Variants in DPF3 observed in about 807,000 individuals in gnomAD.
DPF3 encodes the protein double PHD fingers 3.
Under a neutral mutation model 56.8 loss-of-function variants are expected in DPF3, and 18 were observed. The observed-to-expected ratio is 0.32, with a 90% CI of 0.22 to 0.47. The LOEUF is 0.47. Ranked by LOEUF, DPF3 falls within the 20% of genes least tolerant of loss-of-function variation. The pLI, the probability that DPF3 is intolerant of heterozygous loss-of-function variation, is 1.00. For synonymous variants in DPF3, 188 were observed against 180.2 expected, an observed-to-expected ratio of 1.04 and a Z score of -0.35; for missense variants, 403 against 488.8, an observed-to-expected ratio of 0.82 and a Z score of 1.65.
chr14:72,894,026 C>T, intron 1 of DPF3, 31 bp downstream of exon 1: 2 of 1,606,328 alleles, frequency 1.2e-6, no homozygotes, highest in African/African-American at 1.3e-5. Context: ...TGAAACCACG[C>T]GGAATATGTA....
At chr14:72,742,964 T>C (rs956200262) in intron 3 of DPF3, among the ~76,000 whole-genome samples, 4 of 152,148 alleles carry the variant, frequency 2.6e-5, no homozygotes, top group Non-Finnish European at 5.9e-5. Flanking sequence ...ACGACTTGCT[T>C]GTTGGCCAGC....
chr14:72,723,611 G>C (rs374717111), intron 5 of DPF3, 22 bp downstream of exon 5: 4 of 1,545,906 alleles, frequency 2.6e-6, no homozygotes, highest in Middle Eastern at 1.7e-4. Context: ...CTCTTTCCTC[G>C]CTCATGTCAT....
chr14:72,808,046 C>A (rs1365912470), intron 1 of DPF3, among the ~76,000 whole-genome samples: 1 of 151,986 alleles, frequency 6.6e-6, no homozygotes, highest in African/African-American at 2.4e-5. Context: ...CCCAGCCTGA[C>A]CTGATGGATG....
At chr14:72,647,831 T>C (rs911989927) in intron 8 of DPF3, among the ~76,000 whole-genome samples, 8 of 152,190 alleles carry the variant, frequency 5.3e-5, no homozygotes. Context: ...TGGCTAGCAG[T>C]AGCAAGATTG....
chr14:72,716,270 G>A (rs951398471), intron 5 of DPF3, among the ~76,000 whole-genome samples: 2 of 152,104 alleles, frequency 1.3e-5, no homozygotes, highest in Non-Finnish European at 2.9e-5. Context: ...CTACAGCAGG[G>A]CTGACCAGCA....
At chr14:72,675,390 GAA>G (rs1177260674) in intron 7 of DPF3, 7 of 152,172 alleles carry the variant, frequency 4.6e-5, no homozygotes, top group Admixed American at 3.3e-4. Context: ...TAACTAAGAA[GAA>G]AAGTCTTTCT....
chr14:72,892,776 T>G (rs567332264), intron 1 of DPF3: 2 of 877,854 alleles, frequency 2.3e-6, no homozygotes, highest in South Asian at 1.0e-4. Flanking sequence ...GGCGGGGAAG[T>G]CCCGGTCGAA....
At chr14:72,661,679 C>T (rs558988180) in intron 8 of DPF3, 20 of 985,408 alleles carry the variant, frequency 2.0e-5, no homozygotes, top group East Asian at 1.1e-4. Context: ...TTGGCTCCCA[C>T]CAGCAACTGA....
intron 1 of DPF3, among the ~76,000 whole-genome samples, chr14:72,849,518 G>C (rs981656157): frequency 1.3e-5 from 2 of 152,166 alleles, no homozygotes; most frequent in African/African-American, 2.4e-5. Context: ...TACAATTCCT[G>C]CCAGGCCCGG....
intron 1 of DPF3, among the ~76,000 whole-genome samples, chr14:72,861,014 C>A (rs941575369): frequency 2.0e-5 from 3 of 150,864 alleles, no homozygotes; most frequent in Non-Finnish European, 4.4e-5. Flanking sequence ...GCTTTCTTAT[C>A]TGTTCTCACT....
rs192612975 is a variant in DPF3 at position 72,744,279 on chromosome 14, C to T, written c.301+8985G>A. On this transcript the variant is annotated intron_variant, in intron 3 of 10. Coordinates refer to ENST00000556509, the MANE Select transcript of DPF3 (RefSeq NM_001280542.3). ...CTCGATGTCAGCCAAGACCCAGCTC[C>T]CCACTTTTTTTGAGCCAGGGCCTCC... Among the ~76,000 whole-genome samples the T allele has an allele frequency of 1.4e-3, 219 of 152,210 alleles. 1 individual carries two copies. The highest frequency in any genetic ancestry group is 7.7e-3 in the South Asian group (37 of 4,816).
intron 1 of DPF3, among the ~76,000 whole-genome samples, chr14:72,820,446 C>T (rs1883482456): frequency 6.6e-6 from 1 of 151,900 alleles, no homozygotes; most frequent in Non-Finnish European, 1.5e-5. Context: ...TTGTTTTTTG[C>T]TTTGATGATA....
chr14:72,783,002 G>C (rs565267818), intron 1 of DPF3, among the ~76,000 whole-genome samples: 1 of 151,900 alleles, frequency 6.6e-6, no homozygotes, highest in African/African-American at 2.4e-5. Flanking sequence ...CTCCTTCCCC[G>C]CTGGGCTCCA....
At chr14:72,791,705 T>C (rs1428579907) in intron 1 of DPF3, among the ~76,000 whole-genome samples, 2 of 152,244 alleles carry the variant, frequency 1.3e-5, no homozygotes, top group African/African-American at 4.8e-5. Flanking sequence ...TTTGCATACA[T>C]TCACTTTCAT....
At chr14:72,749,966 C>G (rs1890498473) in intron 3 of DPF3, among the ~76,000 whole-genome samples, 1 of 152,162 alleles carries the variant, frequency 6.6e-6, no homozygotes, top group South Asian at 2.1e-4. Context: ...ATGCCTGAAG[C>G]CAGATAAACC....
At chr14:72,789,492 G>A (rs540343785) in intron 1 of DPF3, among the ~76,000 whole-genome samples, 87 of 152,200 alleles carry the variant, frequency 5.7e-4, no homozygotes, top group African/African-American at 7.9e-4. Flanking sequence ...GTATCTATCC[G>A]CTTATTTAAG....
intron 9 of DPF3, among the ~76,000 whole-genome samples, chr14:72,622,004 A>G (rs1280751303): frequency 6.6e-6 from 1 of 152,164 alleles, no homozygotes; most frequent in Non-Finnish European, 1.5e-5. Context: ...TGAGATATGG[A>G]CTTGGGATTC....
chr14:72,806,739 C>G (rs1882800107), intron 1 of DPF3: 2 of 152,202 alleles, frequency 1.3e-5, no homozygotes, highest in Non-Finnish European at 2.9e-5. Context: ...GTTCTCCCCT[C>G]CCTGCCCACT....
intron 1 of DPF3, among the ~76,000 whole-genome samples, chr14:72,801,947 C>T (rs1041043323): frequency 2.0e-5 from 3 of 152,228 alleles, no homozygotes; most frequent in Non-Finnish European, 2.9e-5. Flanking sequence ...TTCTTAGGGA[C>T]TTATCCTTGG....
Sources: gnomAD v4.1 joint callset for allele counts (sites outside exome capture counted in the v4.1 genomes callset) on GRCh38, gnomAD v4.1.1 for gene constraint, MANE v1.5 for transcripts, NCBI Gene and HGNC (gene_info 2026-07-23, HGNC 2026-07-21) for gene names.